Variants in CDH18 observed in about 807,000 individuals in gnomAD.
CDH18 encodes the protein cadherin-18.
CDH18 carries 31 observed loss-of-function variants against 67.9 expected under a neutral mutation model. That is an observed-to-expected ratio of 0.46 (90% CI 0.34 to 0.62). The LOEUF (loss-of-function observed/expected upper bound fraction) is 0.62. Ranked by LOEUF, CDH18 falls within the 20% of genes least tolerant of loss-of-function variation. The probability of loss-of-function intolerance (pLI) is 0.01; values close to 1 mark genes in which losing one functional copy is unlikely to be tolerated. For synonymous variants in CDH18, 362 were observed against 347.2 expected (o/e 1.04, Z -0.48); for missense variants, 890 against 975.5 (o/e 0.91, Z 1.17).
At chr5:20,030,096 T>C (rs1236205185) in intron 2 of CDH18, among the ~76,000 whole-genome samples, 1 of 152,202 alleles carries the variant, frequency 6.6e-6, no homozygotes, top group Admixed American at 6.5e-5. Context: ...ATTAAAGAAC[T>C]ATCCTATTGC....
chr5:20,136,692 T>C (rs543691237), intron 2 of CDH18, among the ~76,000 whole-genome samples: 3 of 152,316 alleles, frequency 2.0e-5, no homozygotes, highest in South Asian at 2.1e-4. Flanking sequence ...ATTGATGATT[T>C]TTACAATTTG....
At chr5:19,785,302 G>T (rs2149793495) in intron 3 of CDH18, among the ~76,000 whole-genome samples, 1 of 151,944 alleles carries the variant, frequency 6.6e-6, no homozygotes, top group African/African-American at 2.4e-5. Flanking sequence ...CAGGTTGAGG[G>T]ACATAAAGCT....
At chr5:19,507,875 T>G (rs1561225344) in intron 10 of CDH18, among the ~76,000 whole-genome samples, 1 of 152,046 alleles carries the variant, frequency 6.6e-6, no homozygotes, top group Non-Finnish European at 1.5e-5. Context: ...CTGCACGTTG[T>G]GCACATGTAC....
At position 19,747,057 on chromosome 5, in the gene CDH18, G is replaced by T. The variant is rs371590416; in HGVS notation, c.408C>A (p.Asn136Lys). ...LHAQAIDRRT[N>K]KPLEPESEFI... ...ACTCGGATTCAGGCTCAAGAGGTTT[G>T]TTTGTACGTCTATCAATAGCTTGAG... is the stretch of plus-strand genomic sequence containing the variant. Residue 136 changes from asparagine to lysine, a missense_variant, in exon 4 of 13, where the codon AAC (asparagine) becomes AAA (lysine). Around this residue, in one of 2 missense-constraint regions of CDH18, gnomAD observed 234 missense variants for 307.4 expected, o/e 0.76. Coordinates refer to ENST00000382275, the MANE Select transcript of CDH18 (RefSeq NM_004934.5). 1.2e-6 allele frequency: 2 copies of T among 1,614,118 alleles called. No individual in the cohort carries two copies. The highest frequency in any genetic ancestry group is 1.7e-5 in the Admixed American group (1 of 60,022).
At chr5:20,203,917 A>G (rs528069246) in intron 2 of CDH18, among the ~76,000 whole-genome samples, 38 of 152,154 alleles carry the variant, frequency 2.5e-4, no homozygotes, top group Non-Finnish European at 1.5e-5. Flanking sequence ...ATAATCAGTG[A>G]GCTCAAAGAC....
At chr5:20,094,373 G>GTA (rs1395156820) in intron 2 of CDH18, among the ~76,000 whole-genome samples, 1 of 152,162 alleles carries the variant, frequency 6.6e-6, no homozygotes, top group Non-Finnish European at 1.5e-5. Flanking sequence ...TTGCCTTGTA[G>GTA]TATAGTTTGA....
intron 1 of CDH18, among the ~76,000 whole-genome samples, chr5:20,542,810 AT>A (rs760021767): frequency 1.0e-3 from 155 of 152,066 alleles, no homozygotes; most frequent in Non-Finnish European, 2.0e-3. Context: ...CCATGGATTT[AT>A]TTATACATTA....
intron 9 of CDH18, among the ~76,000 whole-genome samples, chr5:19,528,504 A>G (rs1044817216): frequency 1.6e-4 from 25 of 151,662 alleles, no homozygotes; most frequent in Non-Finnish European, 2.4e-4. Context: ...AAATAATGAT[A>G]TATATATTTT....
chr5:19,635,783 G>A (rs1753053708), intron 5 of CDH18, among the ~76,000 whole-genome samples: 1 of 152,040 alleles, frequency 6.6e-6, no homozygotes, highest in Non-Finnish European at 1.5e-5. Context: ...ATTTTGAAAG[G>A]AGAGTTCAAT....
chr5:20,402,195 A>G (rs967224102), intron 1 of CDH18, among the ~76,000 whole-genome samples: 4 of 152,050 alleles, frequency 2.6e-5, no homozygotes, highest in African/African-American at 9.7e-5. Context: ...AGGATTTGGT[A>G]GTCTGATGTT....
chr5:20,420,866 T>G (rs1327948346), intron 1 of CDH18, among the ~76,000 whole-genome samples: 1 of 151,296 alleles, frequency 6.6e-6, no homozygotes, highest in East Asian at 1.9e-4. Context: ...AAAAATCTTC[T>G]TTCACTATAT....
At chr5:20,561,007 A>G (rs1758177692) in intron 1 of CDH18, among the ~76,000 whole-genome samples, 1 of 152,120 alleles carries the variant, frequency 6.6e-6, no homozygotes, top group Non-Finnish European at 1.5e-5. Context: ...ATATAAAACA[A>G]TGTTCCATAT....
At position 19,593,715 on chromosome 5, in the gene CDH18, T is replaced by C. The variant is rs368231744; in HGVS notation, c.812-2471A>G. Among the ~76,000 whole-genome samples the C allele has an allele frequency of 3.3e-4, 26 of 77,670 alleles. 1 individual carries two copies. Among genetic ancestry groups the C allele is most frequent in the East Asian group, 7.9e-4 (1 of 1,264 alleles). 51.0% of individuals were successfully genotyped at this position (77,670 alleles called of 152,430 possible). A position where few individuals can be genotyped will look rare whatever the true frequency, so the allele number is the denominator to read the frequency against. ...TTCCTCTTCCTCCTCCTCCTTCTTC[T>C]TCTTCTTCTTCTTCTTCTTCTTCTT... On this transcript the variant is annotated intron_variant, in intron 6 of 12. Coordinates refer to ENST00000382275, the MANE Select transcript of CDH18 (RefSeq NM_004934.5).
chr5:20,524,987 G>A (rs1400194210), intron 1 of CDH18, among the ~76,000 whole-genome samples: 1 of 152,090 alleles, frequency 6.6e-6, no homozygotes, highest in Non-Finnish European at 1.5e-5. Flanking sequence ...GGAAACAAAG[G>A]CCAAGTTTAT....
chr5:20,321,224 A>G (rs1369714482), intron 1 of CDH18, among the ~76,000 whole-genome samples: 2 of 152,036 alleles, frequency 1.3e-5, no homozygotes, highest in Non-Finnish European at 2.9e-5. Flanking sequence ...AAGAGGCAGA[A>G]ATCCATGCCT....
At chr5:20,523,855 T>C (rs908723448) in intron 1 of CDH18, among the ~76,000 whole-genome samples, 4 of 152,178 alleles carry the variant, frequency 2.6e-5, no homozygotes, top group Non-Finnish European at 5.9e-5. Context: ...CTTTTAAGTA[T>C]TGAATATTCA....
At chr5:20,462,999 G>T (rs11954503) in intron 1 of CDH18, among the ~76,000 whole-genome samples, 1,900 of 152,254 alleles carry the variant, frequency 0.012, 34 homozygotes, top group African/African-American at 0.042. Flanking sequence ...GACAGGTGCA[G>T]TTTTTAAAAC....
chr5:19,866,017 A>G (rs1035571487), intron 2 of CDH18, among the ~76,000 whole-genome samples: 1 of 152,184 alleles, frequency 6.6e-6, no homozygotes, highest in African/African-American at 2.4e-5. Context: ...TCAGCCAGCG[A>G]TATTTTTGTC....
At chr5:19,609,378 T>C (rs568642008) in intron 6 of CDH18, among the ~76,000 whole-genome samples, 10 of 152,092 alleles carry the variant, frequency 6.6e-5, no homozygotes, top group Admixed American at 1.3e-4. Context: ...ACCCTTGTAG[T>C]TGGGCATGCA....
Sources: gnomAD v4.1 joint callset for allele counts (sites outside exome capture counted in the v4.1 genomes callset) on GRCh38, gnomAD v4.1.1 for gene constraint, gnomAD v4.1.1 regional missense constraint, MANE v1.5 for transcripts, NCBI Gene and HGNC (gene_info 2026-07-23, HGNC 2026-07-21) for gene names.